GAB2: variants seen among roughly 807,000 people sequenced by gnomAD.
GAB2 encodes GRB2 associated binding protein 2.
In GAB2, 26 loss-of-function variants were observed where a neutral mutation model predicts 65.5. The ratio of observed to expected loss-of-function variants is 0.40; its 90% CI spans 0.29 to 0.55. GAB2 has a LOEUF of 0.55. Ranked by LOEUF, GAB2 falls within the 20% of genes least tolerant of loss-of-function variation. GAB2 has a pLI of 0.53. For synonymous variants in GAB2, 321 were observed against 329.6 expected, an observed-to-expected ratio of 0.97 and a Z score of 0.28; for missense variants, 884 against 875.8, an observed-to-expected ratio of 1.01 and a Z score of -0.12.
chr11:78,394,969 G>A (rs1856877361), intron 1 of GAB2, among the ~76,000 whole-genome samples: 1 of 152,154 alleles, frequency 6.6e-6, no homozygotes, highest in Admixed American at 6.5e-5. Context: ...ATGCCATCTA[G>A]GAGGACTCAA....
chr11:78,273,391 T>C (rs1023291420), intron 2 of GAB2, among the ~76,000 whole-genome samples: 2 of 152,128 alleles, frequency 1.3e-5, no homozygotes, highest in Admixed American at 1.3e-4. Flanking sequence ...GACCTGAATG[T>C]GAAACAGGGA....
chr11:78,228,786 T>C (rs947875850), intron 3 of GAB2, among the ~76,000 whole-genome samples: 1 of 151,568 alleles, frequency 6.6e-6, no homozygotes, highest in African/African-American at 2.4e-5. Flanking sequence ...GCTTGGATGA[T>C]TGAACATCTA....
rs751533828 is a variant in GAB2 at position 78,267,857 on chromosome 11, CAAAAAAAA to C, written c.376+12736_376+12743del. On this transcript the variant is annotated intron_variant, in intron 2 of 9. Coordinates refer to ENST00000361507, the MANE Select transcript of GAB2 (RefSeq NM_080491.3). ...TGGGTGATAGAGCGAGACTCCGTCT[CAAAAAAAA>C]AAAAAAAAAAAAAAAAGAGTCTCTG... Among the ~76,000 whole-genome samples the C allele has an allele frequency of 9.1e-5, 3 of 32,804 alleles. No individual in the cohort carries two copies. In the South Asian group the frequency reaches 4.8e-3, roughly 52 times the overall value. 21.5% of individuals were successfully genotyped at this position (32,804 alleles called of 152,430 possible). A position where few individuals can be genotyped will look rare whatever the true frequency, so the allele number is the denominator to read the frequency against.
At chr11:78,336,620 T>C (rs1565164547) in intron 1 of GAB2, among the ~76,000 whole-genome samples, 1 of 152,096 alleles carries the variant, frequency 6.6e-6, no homozygotes, top group Non-Finnish European at 1.5e-5. Flanking sequence ...TAAAGTGCTT[T>C]GTTTTATAAA....
At chr11:78,403,513 C>A (rs1001040050) in intron 1 of GAB2, among the ~76,000 whole-genome samples, 5 of 152,136 alleles carry the variant, frequency 3.3e-5, no homozygotes, top group African/African-American at 1.2e-4. Context: ...AATAAATGTT[C>A]TAGGAAAACT....
chr11:78,290,220 A>G (rs1293249131), intron 1 of GAB2, among the ~76,000 whole-genome samples: 1 of 152,230 alleles, frequency 6.6e-6, no homozygotes, highest in African/African-American at 2.4e-5. Flanking sequence ...AAAGACAATG[A>G]AAGTCACTTT....
chr11:78,338,473 C>T (rs535977056), intron 1 of GAB2, among the ~76,000 whole-genome samples: 1 of 152,270 alleles, frequency 6.6e-6, no homozygotes, highest in South Asian at 2.1e-4. Context: ...GCAGGAACTG[C>T]TTATTCTAGA....
chr11:78,290,284 T>G (rs186543057), intron 1 of GAB2, among the ~76,000 whole-genome samples: 97 of 152,178 alleles, frequency 6.4e-4, no homozygotes, highest in Middle Eastern at 3.4e-3. Context: ...GTCAAGAAAG[T>G]TGGAAAAAAG....
chr11:78,346,719 ATAATTTTTTTTT>A lies in GAB2; in HGVS notation c.76-65830_76-65819del, dbSNP rs1433164836. The stretch of plus-strand genomic sequence containing the variant: ...TATATATATATATATATATATATAT[ATAATTTTTTTTT>A]TTTTTAGGAAAAGAAACAAAATATT... On this transcript the variant is annotated intron_variant, in intron 1 of 9. Transcript: ENST00000361507. 5.2e-4 allele frequency among the ~76,000 whole-genome samples: 19 copies of A among 36,626 alleles called. 1 individual carries two copies. The highest frequency in any genetic ancestry group is 7.9e-4 in the South Asian group (1 of 1,272). The allele number at this position is 36,626 out of a possible 152,430, so 24.0% of individuals were successfully genotyped here.
At chr11:78,309,953 T>C (rs1429911762) in intron 1 of GAB2, among the ~76,000 whole-genome samples, 1 of 141,244 alleles carries the variant, frequency 7.1e-6, no homozygotes, top group Non-Finnish European at 1.5e-5. Flanking sequence ...TGTGTGTGTG[T>C]GTGTGTGTGT....
At chr11:78,243,295 T>A (rs889904356) in intron 3 of GAB2, among the ~76,000 whole-genome samples, 1 of 150,776 alleles carries the variant, frequency 6.6e-6, no homozygotes, top group African/African-American at 2.4e-5. Flanking sequence ...TGGCAAAACT[T>A]TGTCTCTACT....
intron 1 of GAB2, among the ~76,000 whole-genome samples, chr11:78,394,505 A>AG (rs947393311): frequency 3.3e-5 from 5 of 152,120 alleles, no homozygotes; most frequent in Non-Finnish European, 5.9e-5. Context: ...TACAGAGACT[A>AG]GGGGTACCAA....
intron 1 of GAB2, among the ~76,000 whole-genome samples, chr11:78,298,908 T>A (rs1180789951): frequency 2.0e-5 from 3 of 152,206 alleles, no homozygotes; most frequent in Non-Finnish European, 2.9e-5. Context: ...CATCTGATTG[T>A]TTTACTTCTT....
intron 1 of GAB2, among the ~76,000 whole-genome samples, chr11:78,308,634 T>C (rs560277343): frequency 6.6e-6 from 1 of 152,264 alleles, no homozygotes. Context: ...TATAAAAATG[T>C]GATTTCAAAA....
chr11:78,417,728 G>T lies in GAB2; in HGVS notation c.-8C>A. ...GTCGCCGCCGCCGCTCATGCTGCCG[G>T]CCTGGAGCCCCCCGCCGGGTCGCGC... On this transcript the variant is annotated 5_prime_UTR_variant, in exon 1 of 10. Transcript: ENST00000361507. 1 of 1,297,346 alleles carries T rather than the reference G, an allele frequency of 7.7e-7. No individual in the cohort carries two copies. Among genetic ancestry groups the T allele is most frequent in the Non-Finnish European group, 1.0e-6 (1 of 997,040 alleles). The allele number at this position is 1,297,346 out of a possible 1,614,324, so 80.4% of individuals were successfully genotyped here.
intron 1 of GAB2, among the ~76,000 whole-genome samples, chr11:78,368,508 A>T (rs191798357): frequency 9.7e-4 from 148 of 152,362 alleles, no homozygotes; most frequent in Non-Finnish European, 2.0e-3. Flanking sequence ...TACAAATTAA[A>T]TATATAAATT....
In GAB2 at chr11:78,351,054, A is replaced by G. The variant is rs117235804; in HGVS notation, c.75+66592T>C. ...ACTCGCAGGACTTTTGCTGCAAACA[A>G]TTGGGTACTGTATCCAGCTGTTGAC... On this transcript the variant is annotated intron_variant, in intron 1 of 9. Transcript: ENST00000361507. Among the ~76,000 whole-genome samples, 1,131 of 152,244 alleles carry G rather than the reference A, an allele frequency of 7.4e-3. 11 individuals are homozygous for G. Among genetic ancestry groups the G allele is most frequent in the Non-Finnish European group, 0.012 (793 of 68,008 alleles).
intron 1 of GAB2, among the ~76,000 whole-genome samples, chr11:78,289,746 G>A (rs1299742434): frequency 6.6e-6 from 1 of 150,412 alleles, no homozygotes; most frequent in Non-Finnish European, 1.5e-5. Context: ...CGAGAGAGAA[G>A]GAGCAATGAA....
chr11:78,408,451 C>T (rs1009442490), intron 1 of GAB2, among the ~76,000 whole-genome samples: 6 of 151,994 alleles, frequency 3.9e-5, no homozygotes, highest in African/African-American at 1.4e-4. Flanking sequence ...AAAAAATATT[C>T]AAGAAACTCA....
Sources: gnomAD v4.1 joint callset for allele counts (sites outside exome capture counted in the v4.1 genomes callset) on GRCh38, gnomAD v4.1.1 for gene constraint, MANE v1.5 for transcripts, NCBI Gene and HGNC (gene_info 2026-07-23, HGNC 2026-07-21) for gene names.